Variants in ARNT2 observed in about 807,000 individuals in gnomAD.
The protein encoded by ARNT2 is ARNT protein 2.
In ARNT2, 36 loss-of-function variants were observed where a neutral mutation model predicts 91.7. The observed-to-expected ratio is 0.39, with a 90% CI of 0.30 to 0.52. The LOEUF is 0.52. Among genes scored for constraint, ARNT2 ranks in the 20% least tolerant of loss-of-function variants. The pLI is 0.72. For synonymous variants in ARNT2, 365 were observed against 347.1 expected, an observed-to-expected ratio of 1.05 and a Z score of -0.57; for missense variants, 775 against 939.3, an observed-to-expected ratio of 0.83 and a Z score of 2.29.
At chr15:80,457,830 A>T (rs1896501354) in intron 2 of ARNT2, 99 bp from the exon 3 acceptor site, 4 of 1,265,042 alleles carry the variant, frequency 3.2e-6, no homozygotes, top group Non-Finnish European at 4.6e-6. Flanking sequence ...AATGGATAGC[A>T]GTCCTAGTGA....
intron 1 of ARNT2, among the ~76,000 whole-genome samples, chr15:80,432,456 A>T (rs1896025055): frequency 6.6e-6 from 1 of 152,214 alleles, no homozygotes; most frequent in Non-Finnish European, 1.5e-5. Context: ...GACATGTGGA[A>T]ATTATTTGAA....
intron 3 of ARNT2, among the ~76,000 whole-genome samples, chr15:80,467,816 T>C (rs1025414564): frequency 3.3e-5 from 5 of 152,186 alleles, no homozygotes; most frequent in East Asian, 1.9e-4. Context: ...GACAAGCTCC[T>C]GGCTGAGGAG....
intron 6 of ARNT2, 59 bp downstream of exon 6, chr15:80,508,317 C>A (rs557229733): frequency 7.1e-6 from 11 of 1,551,678 alleles, no homozygotes; most frequent in Middle Eastern, 1.9e-4. Flanking sequence ...TTTCTGTCAC[C>A]GTTAAGAGCC....
At chr15:80,468,213 G>A (rs1332163752) in intron 3 of ARNT2, among the ~76,000 whole-genome samples, 2 of 152,008 alleles carry the variant, frequency 1.3e-5, no homozygotes, top group African/African-American at 4.8e-5. Flanking sequence ...GTTATCCTTT[G>A]TGGGTGGGAG....
chr15:80,421,137 G>A (rs186919421), intron 1 of ARNT2, among the ~76,000 whole-genome samples: 1 of 152,250 alleles, frequency 6.6e-6, no homozygotes, highest in African/African-American at 2.4e-5. Flanking sequence ...ATTATTCTAA[G>A]TGAAGTAACT....
chr15:80,451,078 C>T (rs1025862995), intron 2 of ARNT2, 84 bp downstream of exon 2: 4 of 1,285,024 alleles, frequency 3.1e-6, no homozygotes, highest in African/African-American at 1.5e-5. Flanking sequence ...TTGTTTCTCC[C>T]CTTCCTGTAG....
intron 1 of ARNT2, among the ~76,000 whole-genome samples, chr15:80,423,915 G>A (rs1276897822): frequency 2.0e-5 from 3 of 152,186 alleles, no homozygotes; most frequent in Non-Finnish European, 4.4e-5. Flanking sequence ...CCAGGCAAGC[G>A]TTTGGCTTCA....
intron 5 of ARNT2, among the ~76,000 whole-genome samples, chr15:80,492,725 C>T (rs1007857528): frequency 1.3e-5 from 2 of 151,854 alleles, no homozygotes; most frequent in Non-Finnish European, 2.9e-5. Flanking sequence ...TGTGTGACCT[C>T]GGAGAATTTC....
chr15:80,498,458 C>T (rs1239074671), intron 5 of ARNT2, among the ~76,000 whole-genome samples: 1 of 152,220 alleles, frequency 6.6e-6, no homozygotes. Context: ...AATCCACGCA[C>T]TAGGAGAGTG....
At position 80,548,011 on chromosome 15, in the gene ARNT2, A is replaced by G. The variant is rs533458882; in HGVS notation, c.878-3188A>G. On this transcript the variant is annotated intron_variant, in intron 8 of 18. Transcript: ENST00000303329. Reference sequence around the variant, plus strand: ...ATTCATTCATATAGTTTTGGATTTTATATTACAATTAGCCTTTAAGAAACT... The same window carrying G: ...ATTCATTCATATAGTTTTGGATTTTGTATTACAATTAGCCTTTAAGAAACT... Among the ~76,000 whole-genome samples the G allele has an allele frequency of 3.3e-5, 5 of 152,282 alleles. No homozygotes were observed. In the South Asian group the frequency reaches 6.2e-4, roughly 19 times the overall value.
chr15:80,554,458 G>A (rs539564962), intron 10 of ARNT2, among the ~76,000 whole-genome samples: 2 of 152,054 alleles, frequency 1.3e-5, no homozygotes, highest in Non-Finnish European at 2.9e-5. Context: ...CTTTTAACTG[G>A]ACCACTTTAC....
intron 2 of ARNT2, 48 bp downstream of exon 2, chr15:80,451,042 A>G (rs762674199): frequency 9.2e-6 from 14 of 1,527,276 alleles, no homozygotes; most frequent in Middle Eastern, 1.7e-4. Flanking sequence ...AATGTTGAGC[A>G]ATGCTCTTGA....
At chr15:80,473,772 A>G (rs1341383080) in intron 4 of ARNT2, among the ~76,000 whole-genome samples, 1 of 152,134 alleles carries the variant, frequency 6.6e-6, no homozygotes, top group Non-Finnish European at 1.5e-5. Flanking sequence ...TCAGCATATC[A>G]ATGTTCCCTA....
At chr15:80,467,969 T>G (rs1015970433) in intron 3 of ARNT2, among the ~76,000 whole-genome samples, 3 of 152,054 alleles carry the variant, frequency 2.0e-5, no homozygotes, top group Non-Finnish European at 2.9e-5. Flanking sequence ...CTCAACAATC[T>G]CTAACCAAAT....
chr15:80,571,949 A>C (rs768267448), intron 12 of ARNT2, among the ~76,000 whole-genome samples: 3 of 152,158 alleles, frequency 2.0e-5, no homozygotes, highest in Non-Finnish European at 4.4e-5. Context: ...AACCACTCTG[A>C]AAGCTTAGTG....
chr15:80,452,764 G>A (rs188994100), intron 2 of ARNT2, among the ~76,000 whole-genome samples: 8 of 152,188 alleles, frequency 5.3e-5, no homozygotes, highest in East Asian at 1.9e-4. Context: ...CTGGGAAGTC[G>A]CCTCTGAGCC....
At chr15:80,481,273 C>T (rs1313277623) in intron 5 of ARNT2, among the ~76,000 whole-genome samples, 1 of 152,238 alleles carries the variant, frequency 6.6e-6, no homozygotes, top group Non-Finnish European at 1.5e-5. Context: ...CATTTTCAGC[C>T]AGCTCTGCAG....
At chr15:80,508,130 C>T (rs749659805) in intron 5 of ARNT2, 26 bp from the exon 6 acceptor site, 8 of 1,611,446 alleles carry the variant, frequency 5.0e-6, no homozygotes, top group Admixed American at 1.7e-5. Context: ...CAGAGGCTTA[C>T]GTAACTGTCC....
intron 3 of ARNT2, among the ~76,000 whole-genome samples, chr15:80,465,138 C>T (rs1240422218): frequency 1.3e-5 from 2 of 152,214 alleles, no homozygotes; most frequent in Non-Finnish European, 2.9e-5. Context: ...CTTGTTTGTT[C>T]AGTAACTTGA....
Sources: gnomAD v4.1 joint callset for allele counts (sites outside exome capture counted in the v4.1 genomes callset) on GRCh38, gnomAD v4.1.1 for gene constraint, MANE v1.5 for transcripts, NCBI Gene and HGNC (gene_info 2026-07-23, HGNC 2026-07-21) for gene names.